Variants in CD44 observed in about 807,000 individuals in gnomAD.
The protein encoded by CD44 is CD44 molecule (IN blood group).
In CD44, 49 loss-of-function variants were observed where a neutral mutation model predicts 88.8. The ratio of observed to expected loss-of-function variants is 0.55; its 90% confidence interval spans 0.44 to 0.70. CD44 has a LOEUF of 0.70. Ranked by LOEUF, CD44 falls within the 30% of genes least tolerant of loss-of-function variation. The probability of loss-of-function intolerance (pLI) is 0.00; values close to 1 mark genes in which losing one functional copy is unlikely to be tolerated. For missense variants in CD44, 883 were observed against 913.8 expected (o/e 0.97, Z 0.43); for synonymous variants, 325 against 312.3 (o/e 1.04, Z -0.43).
At chr11:35,164,745 A>AAGAT (rs1247102297) in intron 1 of CD44, among the ~76,000 whole-genome samples, 4 of 152,256 alleles carry the variant, frequency 2.6e-5, no homozygotes, top group Non-Finnish European at 5.9e-5. Flanking sequence ...TTTAAGTTGC[A>AAGAT]AGATATTTGT....
chr11:35,208,554 C>A (rs1282199198), intron 12 of CD44, among the ~76,000 whole-genome samples: 1 of 152,188 alleles, frequency 6.6e-6, no homozygotes, highest in Non-Finnish European at 1.5e-5. Context: ...CTTTCAATGT[C>A]CATCTTTCCT....
Position 35,197,965 on chromosome 11 carries a change from G to C in CD44, c.797-156G>C, listed in dbSNP as rs1010133252. The stretch of plus-strand genomic sequence containing the variant: ...TTGAGATTTATGTATTAGCTTCGGA[G>C]ATCAGAACATAAGAATTTGGGGTAT... On this transcript the variant is annotated intron_variant, in intron 6 of 17. Coordinates refer to ENST00000428726, the MANE Select transcript of CD44 (RefSeq NM_000610.4). 6.5e-6 allele frequency: 4 copies of C among 612,596 alleles called. No individual in the cohort carries two copies. The African/African-American group carries it at 7.3e-5, about 11-fold the overall frequency. The allele number at this position is 612,596 out of a possible 1,614,324, so 37.9% of individuals were successfully genotyped here. A position where few individuals can be genotyped will look rare whatever the true frequency, so the allele number is the denominator to read the frequency against.
At chr11:35,198,858 A>C (rs1274990562) in intron 7 of CD44, among the ~76,000 whole-genome samples, 1 of 151,608 alleles carries the variant, frequency 6.6e-6, no homozygotes, top group Non-Finnish European at 1.5e-5. Context: ...GGGTGCCTGT[A>C]GTCCTAGCTA....
At chr11:35,219,670 T>C (rs1489405597) in intron 16 of CD44, among the ~76,000 whole-genome samples, 2 of 152,218 alleles carry the variant, frequency 1.3e-5, no homozygotes, top group South Asian at 2.1e-4. Flanking sequence ...TTACTAAAGC[T>C]TCCTTCCTAA....
intron 1 of CD44, among the ~76,000 whole-genome samples, chr11:35,168,819 C>A (rs1565050911): frequency 6.6e-6 from 1 of 152,202 alleles, no homozygotes; most frequent in Non-Finnish European, 1.5e-5. Context: ...ATGGAATGTA[C>A]TGTGTTTGCC....
Position 35,186,895 on chromosome 11 carries a change from C to A in CD44, c.431C>A (p.Thr144Asn). 1 of 1,572,054 alleles carries A rather than the reference C, an allele frequency of 6.4e-7. No individual in the cohort carries two copies. Among genetic ancestry groups the A allele is most frequent in the Non-Finnish European group, 8.8e-7 (1 of 1,141,694 alleles). The change falls in exon 4 of 18, where the codon ACC becomes AAC. Residue 144 changes from threonine to asparagine, a missense_variant. Physicochemically the swap from Thr to Asn is moderately conservative, Grantham distance 65. Transcript: ENST00000428726. ...DLPNAFDGPI[T>N]ITIVNRDGTR... ...CCCAATGCCTTTGATGGACCAATTA[C>A]CATAAGTATGTCTCTCTTCTAATCT...
intron 17 of CD44, among the ~76,000 whole-genome samples, chr11:35,226,870 T>G (rs957059966): frequency 7.1e-6 from 1 of 141,058 alleles, no homozygotes; most frequent in African/African-American, 3.1e-5. Context: ...CTTTTCTTCT[T>G]TCTTTTTTCC....
chr11:35,198,370 C>G, intron 7 of CD44, 124 bp downstream of exon 7: 1 of 776,000 alleles, frequency 1.3e-6, no homozygotes, highest in South Asian at 2.1e-5. Flanking sequence ...ATGATCATAC[C>G]TTAGTTATAT....
chr11:35,139,527 G>T (rs1857471743), intron 1 of CD44, 157 bp downstream of exon 1: 2 of 782,814 alleles, frequency 2.6e-6, no homozygotes, highest in Admixed American at 3.4e-5. Flanking sequence ...TGGGATTTGC[G>T]CTAAACCGTT....
intron 17 of CD44, among the ~76,000 whole-genome samples, chr11:35,225,102 G>C (rs1949602234): frequency 8.1e-6 from 1 of 123,768 alleles, no homozygotes; most frequent in Non-Finnish European, 1.9e-5. Context: ...AGCCACAACT[G>C]AGCACTTGAA....
intron 13 of CD44, among the ~76,000 whole-genome samples, chr11:35,210,971 G>A (rs1948336735): frequency 6.6e-6 from 1 of 152,130 alleles, no homozygotes; most frequent in Non-Finnish European, 1.5e-5. Context: ...CAGTTGTAGT[G>A]ACATAGCCTT....
At chr11:35,165,812 A>C (rs778883701) in intron 1 of CD44, among the ~76,000 whole-genome samples, 2 of 151,974 alleles carry the variant, frequency 1.3e-5, no homozygotes, top group Non-Finnish European at 2.9e-5. Context: ...AGTGCATCCC[A>C]CTCCCAGATG....
intron 1 of CD44, among the ~76,000 whole-genome samples, chr11:35,152,683 A>T (rs1305276775): frequency 2.0e-5 from 3 of 151,684 alleles, no homozygotes; most frequent in Admixed American, 1.3e-4. Flanking sequence ...AATCATTGAA[A>T]CTGTATTCTT....
At chr11:35,218,323 G>A (rs1002638741) in intron 15 of CD44, among the ~76,000 whole-genome samples, 11 of 152,074 alleles carry the variant, frequency 7.2e-5, no homozygotes, top group African/African-American at 2.4e-4. Context: ...GGCCACTGCC[G>A]CTAAACTCCT....
intron 1 of CD44, among the ~76,000 whole-genome samples, chr11:35,170,417 T>C (rs1254824412): frequency 6.6e-6 from 1 of 152,210 alleles, no homozygotes; most frequent in Admixed American, 6.5e-5. Context: ...ATAAGGTTCC[T>C]AGACACTGGG....
Position 35,208,459 on chromosome 11 carries a change from A to G in CD44, c.1516+253A>G, listed in dbSNP as rs377490399. Among the ~76,000 whole-genome samples, 5 of 152,216 alleles carry G rather than the reference A, an allele frequency of 3.3e-5. No individual in the cohort carries two copies. In the South Asian group the frequency reaches 1.0e-3, roughly 32 times the overall value. On this transcript the variant is annotated intron_variant, in intron 12 of 17. Coordinates refer to ENST00000428726, the MANE Select transcript of CD44 (RefSeq NM_000610.4). ...AAAAAGTAGGACTCTATTCAACTCC[A>G]TTTTCATTCTCTAAGTAGTTATGTC...
rs775866110 is a variant in CD44, at chr11:35,180,337, A to G, written c.297A>G (p.Ala99=). 6.2e-7 allele frequency: 1 copy of G among 1,613,976 alleles called. No individual in the cohort carries two copies. Among genetic ancestry groups the G allele is most frequent in the African/African-American group, 1.3e-5 (1 of 74,926 alleles). The change falls in exon 3 of 18, where the codon GCA becomes GCG. Residue 99 remains alanine, a synonymous_variant. Coordinates refer to ENST00000428726, the MANE Select transcript of CD44 (RefSeq NM_000610.4). The part of the protein sequence containing the change: ...PRIHPNSICA[A]NNTGVYILTS... Reference sequence around the variant, plus strand: ...TCCACCCCAACTCCATCTGTGCAGCAAACAACACAGGGGTGTACATCCTCA... The same window carrying G: ...TCCACCCCAACTCCATCTGTGCAGCGAACAACACAGGGGTGTACATCCTCA...
chr11:35,189,362 G>A (rs1946039943), intron 4 of CD44, among the ~76,000 whole-genome samples: 1 of 152,178 alleles, frequency 6.6e-6, no homozygotes, highest in Admixed American at 6.5e-5. Flanking sequence ...GAGGCTATTA[G>A]TCTGCTACTT....
At chr11:35,221,607 AGT>A in intron 16 of CD44, 45 bp from the exon 17 acceptor site, 1 of 1,527,624 alleles carries the variant, frequency 6.5e-7, no homozygotes, top group Admixed American at 1.7e-5. Context: ...GTTTTTACAA[AGT>A]GTGTCTCTGA....
Sources: allele counts gnomAD v4.1 joint callset (sites outside exome capture counted in the v4.1 genomes callset), GRCh38; gene constraint gnomAD v4.1.1; transcripts MANE v1.5; gene names NCBI Gene and HGNC (gene_info 2026-07-23, HGNC 2026-07-21).